SLC12A7: variants seen among roughly 807,000 people sequenced by gnomAD.
SLC12A7 encodes K-Cl cotransporter 4.
A neutral mutation model predicts 120.6 loss-of-function variants in SLC12A7; 100 were observed. The observed-to-expected ratio is 0.83, with a 90% CI of 0.71 to 0.98. The LOEUF is 0.98. Among genes scored for constraint, SLC12A7 ranks in the 50% least tolerant of loss-of-function variants. The probability of loss-of-function intolerance (pLI) is 0.00; values close to 1 mark genes in which losing one functional copy is unlikely to be tolerated. For synonymous variants in SLC12A7, 760 were observed against 678.0 expected (o/e 1.12, Z -1.88); for missense variants, 1,373 against 1,548.1 (o/e 0.89, Z 1.90).
chr5:1,108,781 G>A (rs1742760574), intron 1 of SLC12A7, among the ~76,000 whole-genome samples: 1 of 152,218 alleles, frequency 6.6e-6, no homozygotes, highest in Non-Finnish European at 1.5e-5. Flanking sequence ...CAAAGCGGCA[G>A]CTCTAGCTGT....
intron 21 of SLC12A7, among the ~76,000 whole-genome samples, chr5:1,060,096 G>A (rs1736026863): frequency 6.6e-6 from 1 of 152,200 alleles, no homozygotes; most frequent in South Asian, 2.1e-4. Flanking sequence ...CATCTGGCAG[G>A]CTGCCGTTCC....
intron 1 of SLC12A7, among the ~76,000 whole-genome samples, chr5:1,107,817 A>C (rs1280053268): frequency 6.6e-6 from 1 of 152,184 alleles, no homozygotes; most frequent in Non-Finnish European, 1.5e-5. Flanking sequence ...ACCTGAGTCC[A>C]CGAGGCAAAG....
At chr5:1,146,304 A>ACAACT in the SLC12A7 span, among the ~76,000 whole-genome samples, 1 of 152,130 alleles carries the variant, frequency 6.6e-6, no homozygotes, top group African/African-American at 2.4e-5. This position sits in a 1 kb window ranked among gnomAD's most constrained non-coding sequence, Gnocchi z 6.5. Flanking sequence ...GTGGGAGCCC[A>ACAACT]GATGCTGGTG....
chr5:1,126,137 G>C, the SLC12A7 span, among the ~76,000 whole-genome samples: 1 of 152,068 alleles, frequency 6.6e-6, no homozygotes, highest in African/African-American at 2.4e-5. Flanking sequence ...GCTGGATGCA[G>C]TGGTATGATC....
At chr5:1,087,082 G>A (rs748224533) in intron 5 of SLC12A7, 49 bp from the exon 6 acceptor site, 38 of 1,563,284 alleles carry the variant, frequency 2.4e-5, no homozygotes, top group South Asian at 1.4e-4. Flanking sequence ...ACTTGGACTC[G>A]GACCCGAGGT....
At chr5:1,132,657 C>T in the SLC12A7 span, among the ~76,000 whole-genome samples, 1 of 152,196 alleles carries the variant, frequency 6.6e-6, no homozygotes, top group Non-Finnish European at 1.5e-5. Context: ...CAGCTTTCCC[C>T]CTCAGCTTCC....
At chr5:1,054,860 GCA>G (rs1735445285) in intron 22 of SLC12A7, among the ~76,000 whole-genome samples, 1 of 152,364 alleles carries the variant, frequency 6.6e-6, no homozygotes, top group East Asian at 1.9e-4. Context: ...TCTGTCCACA[GCA>G]CAGTCAAGGG....
the SLC12A7 span, among the ~76,000 whole-genome samples, chr5:1,126,985 T>C: frequency 6.6e-6 from 1 of 151,968 alleles, no homozygotes; most frequent in African/African-American, 2.4e-5. Flanking sequence ...GAGGTCATCC[T>C]GGAGTAGGGT....
chr5:1,075,333 C>T (rs368416825), intron 15 of SLC12A7, 38 bp downstream of exon 15: 159 of 1,594,958 alleles, frequency 1.0e-4, no homozygotes, highest in East Asian at 7.2e-4. Context: ...CCCGCCCTCC[C>T]GTGCGCCGGG....
At chr5:1,144,571 T>C in the SLC12A7 span, among the ~76,000 whole-genome samples, 1 of 152,172 alleles carries the variant, frequency 6.6e-6, no homozygotes, top group South Asian at 2.1e-4. Context: ...CGCTGGGTCA[T>C]GGTGAGCTGG....
At chr5:1,097,944 C>T (rs528376156) in intron 1 of SLC12A7, among the ~76,000 whole-genome samples, 71 of 151,424 alleles carry the variant, frequency 4.7e-4, no homozygotes, top group African/African-American at 1.6e-3. Context: ...TGCCCACAAA[C>T]GTTTCTATCT....
intron 1 of SLC12A7, among the ~76,000 whole-genome samples, chr5:1,098,263 ACGCCCAGGCCCCCACAACCC>A (rs1561101308): frequency 3.6e-4 from 7 of 19,500 alleles, no homozygotes; most frequent in East Asian, 1.6e-3. Flanking sequence ...AACCCTCTGC[ACGCCCAGGCCCCCACAACCC>A]TCTGCAAGCC....
At position 1,052,517 on chromosome 5, in the gene SLC12A7, G is replaced by A. The variant is rs1735154982; in HGVS notation, c.3161-66C>T. The stretch of plus-strand genomic sequence containing the variant: ...AGCGTGTGTAGCTGAAATCGTGATA[G>A]GAGTGAGGTTTATCCTCTCCTGGTT... On this transcript the variant is annotated intron_variant, in intron 23 of 23. Transcript: ENST00000264930. The A allele has an allele frequency of 3.9e-5, 53 of 1,346,168 alleles. 1 individual carries two copies. In the South Asian group the frequency reaches 6.0e-4, roughly 15 times the overall value. 83.4% of individuals were successfully genotyped at this position (1,346,168 alleles called of 1,614,324 possible).
chr5:1,065,573 C>T (rs111604986), intron 17 of SLC12A7, 95 bp from the exon 18 acceptor site: 1 of 1,002,852 alleles, frequency 1.0e-6, no homozygotes, highest in Non-Finnish European at 1.4e-6. Context: ...GCACCACCTC[C>T]CCTGTGGACC....
At chr5:1,118,703 T>G in the SLC12A7 span, among the ~76,000 whole-genome samples, 1 of 152,246 alleles carries the variant, frequency 6.6e-6, no homozygotes. Context: ...GAGCCTGGTC[T>G]CACCCATTTC....
chr5:1,126,352 G>A, the SLC12A7 span, among the ~76,000 whole-genome samples: 1 of 152,148 alleles, frequency 6.6e-6, no homozygotes, highest in Non-Finnish European at 1.5e-5. Flanking sequence ...GCCTCCCAAA[G>A]TGCTGGGATT....
At chr5:1,056,889 T>C (rs1735679255) in intron 22 of SLC12A7, among the ~76,000 whole-genome samples, 1 of 152,170 alleles carries the variant, frequency 6.6e-6, no homozygotes, top group Non-Finnish European at 1.5e-5. Context: ...GTGGGAGCCT[T>C]GGCGTAGGGC....
rs776669983 is a variant in SLC12A7 at position 1,060,423 on chromosome 5, T to C, written c.2768A>G (p.Tyr923Cys). The C allele has an allele frequency of 7.4e-6, 12 of 1,613,716 alleles. No homozygotes were observed. Among genetic ancestry groups the C allele is most frequent in the Admixed American group, 6.7e-5 (4 of 60,022 alleles). ...CTGCTCCATCATTAGTGTCCTCTCGTAGGTGAAAGCAGATATGTCGTTTTC... is the reference window on the plus strand; with the variant it reads ...CTGCTCCATCATTAGTGTCCTCTCGCAGGTGAAAGCAGATATGTCGTTTTC... Reference protein sequence around the residue: ...MVENDISAFTYERTLMMEQRS... With the variant: ...MVENDISAFTCERTLMMEQRS... The change falls in exon 21 of 24, where the codon TAC (tyrosine) becomes TGC (cysteine). Residue 923 changes from tyrosine (Y) to cysteine (C), a missense_variant. Physicochemically the swap from Tyr to Cys is radical, Grantham distance 194. Transcript: ENST00000264930.
intron 8 of SLC12A7, 40 bp downstream of exon 8, chr5:1,083,705 C>T (rs776398842): frequency 1.3e-5 from 20 of 1,597,426 alleles, no homozygotes; most frequent in African/African-American, 4.0e-5. Context: ...CTGCTGCCCC[C>T]GCCACCCCCC....
Sources: allele counts gnomAD v4.1 joint callset (sites outside exome capture counted in the v4.1 genomes callset), GRCh38; gene constraint gnomAD v4.1.1; non-coding constraint Gnocchi (gnomAD v3.1); transcripts MANE v1.5; gene names NCBI Gene and HGNC (gene_info 2026-07-23, HGNC 2026-07-21).